VWCE: variants seen among roughly 807,000 people sequenced by gnomAD.
VWCE encodes the protein von Willebrand factor C and EGF domains.
A neutral mutation model predicts 102.9 loss-of-function variants in VWCE; 68 were observed. The observed-to-expected ratio is 0.66, with a 90% CI of 0.54 to 0.81. The LOEUF (loss-of-function observed/expected upper bound fraction) is 0.81, where lower values mean the gene tolerates loss of function less well. VWCE is among the 30% of genes least tolerant of loss of function. The pLI, the probability that VWCE is intolerant of heterozygous loss-of-function variation, is 0.00. For synonymous variants in VWCE, 497 were observed against 515.4 expected (o/e 0.96, Z 0.48); for missense variants, 1,137 against 1,263.6 (o/e 0.90, Z 1.52).
chr11:61,273,865 T>G (rs1854819377), intron 12 of VWCE: 1 of 155,256 alleles, frequency 6.4e-6, no homozygotes, highest in South Asian at 2.0e-4. Flanking sequence ...CACGGTCCAC[T>G]GCCCAGAGCT....
At position 61,280,901 on chromosome 11, in the gene VWCE, A is replaced by G; in HGVS notation, c.1122T>C (p.Pro374=). ...GCCCTGCTGCCAGTCGGGGGGACTCAGGGCCCCTGGGTGAGGAAGGGGTCC... is the reference window on the plus strand; with the variant it reads ...GCCCTGCTGCCAGTCGGGGGGACTCGGGGCCCCTGGGTGAGGAAGGGGTCC... ...VMGTPSSPRG[P]ESPRLAAGPS... Residue 374 remains proline, a synonymous_variant, in exon 8 of 20, where the codon CCT becomes CCC. Coordinates refer to ENST00000335613, the MANE Select transcript of VWCE (RefSeq NM_152718.2). The G allele has an allele frequency of 6.5e-7, 1 of 1,530,128 alleles. No homozygotes were observed. 94.8% of individuals were successfully genotyped at this position (1,530,128 alleles called of 1,614,324 possible). A position where few individuals can be genotyped will look rare whatever the true frequency, so the allele number is the denominator to read the frequency against.
chr11:61,279,260 T>C (rs1356199411), intron 9 of VWCE, among the ~76,000 whole-genome samples: 1 of 151,982 alleles, frequency 6.6e-6, no homozygotes, highest in East Asian at 1.9e-4. Context: ...TGCGGGGACA[T>C]AGCCCACAAC....
rs1336975943 is a variant in VWCE, at chr11:61,271,760, C to A, written c.1700G>T (p.Gly567Val). ...FTCQEPTPST[G>V]CSLDDNGVEF... ...AACCCCGTTGTCGTCAAGAGAGCAG[C>A]CTGGATGAGGACAATGGCAGAGAAA... The change falls in exon 14 of 20, where the codon GGC becomes GTC. Residue 567 changes from glycine (G) to valine (V), a missense_variant and splice_region_variant. Gly to Val is a moderately radical substitution (Grantham distance 109). Around this residue, in one of 5 missense-constraint regions of VWCE, gnomAD observed 212 missense variants for 235.1 expected, o/e 0.90. Coordinates refer to ENST00000335613, the MANE Select transcript of VWCE (RefSeq NM_152718.2). The A allele has an allele frequency of 1.3e-5, 21 of 1,612,884 alleles. No individual in the cohort carries two copies. The highest frequency in any genetic ancestry group is 1.8e-5 in the Non-Finnish European group (21 of 1,179,510).
intron 13 of VWCE, 90 bp from the exon 14 acceptor site, chr11:61,271,850 CAG>C (rs1717225611): frequency 8.9e-7 from 1 of 1,121,550 alleles, no homozygotes. Context: ...CAAACACACA[CAG>C]ACACCGATAT....
chr11:61,262,570 G>T (rs917116819), intron 19 of VWCE, among the ~76,000 whole-genome samples: 1 of 152,164 alleles, frequency 6.6e-6, no homozygotes, highest in Non-Finnish European at 1.5e-5. Context: ...ATGCAGAGAG[G>T]TTTGTGGTGG....
At chr11:61,289,826 A>C (rs557764872) in intron 4 of VWCE, among the ~76,000 whole-genome samples, 2 of 152,310 alleles carry the variant, frequency 1.3e-5, no homozygotes, top group African/African-American at 4.8e-5. Flanking sequence ...CTTACTTTCC[A>C]AATGTTCTAC....
chr11:61,283,425 T>G (rs542794512), intron 5 of VWCE, among the ~76,000 whole-genome samples: 13 of 152,320 alleles, frequency 8.5e-5, no homozygotes, highest in South Asian at 6.2e-4. Flanking sequence ...TGTTGTTGTT[T>G]TTTGAGACAG....
At chr11:61,284,494 G>A (rs1855249105) in intron 5 of VWCE, among the ~76,000 whole-genome samples, 1 of 152,182 alleles carries the variant, frequency 6.6e-6, no homozygotes, top group Non-Finnish European at 1.5e-5. Flanking sequence ...TGAGTGCTAT[G>A]GACTAAACTC....
intron 11 of VWCE, 97 bp from the exon 12 acceptor site, chr11:61,274,681 C>T: frequency 1.0e-6 from 1 of 988,390 alleles, no homozygotes; most frequent in East Asian, 2.6e-5. Flanking sequence ...GGGCACTTAA[C>T]ACACACCCAC....
intron 5 of VWCE, among the ~76,000 whole-genome samples, chr11:61,284,134 G>A (rs185999712): frequency 1.3e-5 from 2 of 152,108 alleles, no homozygotes; most frequent in Non-Finnish European, 2.9e-5. Flanking sequence ...GGGCCAAAGC[G>A]GGAAGGATAG....
intron 4 of VWCE, among the ~76,000 whole-genome samples, chr11:61,290,385 G>A (rs890634474): frequency 7.9e-5 from 12 of 152,078 alleles, no homozygotes; most frequent in African/African-American, 2.2e-4. Context: ...GGTGGCACCC[G>A]CCTGTAATCC....
intron 14 of VWCE, among the ~76,000 whole-genome samples, chr11:61,270,958 C>CT (rs1854675542): frequency 6.6e-6 from 1 of 152,014 alleles, no homozygotes; most frequent in African/African-American, 2.4e-5. Flanking sequence ...ATCCTCCCAC[C>CT]TTAGCCTCCC....
In VWCE at chr11:61,281,064, G is replaced by A. The variant is rs1345550356; in HGVS notation, c.959C>T (p.Ser320Phe). ...PAGVRTTRLP[S>F]PTPRLPTSSP... ...GGATGTGGGTAGTCGTGGGGTGGGA[G>A]ATGGCAGGCGGGTGGTCCTGACTCC... Residue 320 changes from serine (S) to phenylalanine (F), a missense_variant, in exon 8 of 20, where the codon TCT (serine) becomes TTT (phenylalanine). Physicochemically the swap from Ser to Phe is radical, Grantham distance 155. This residue lies in a region of VWCE where 575 missense variants were observed against 625.9 expected (regional missense o/e 0.92). Transcript: ENST00000335613. 1.2e-6 allele frequency: 2 copies of A among 1,601,620 alleles called. No homozygotes were observed. The highest frequency in any genetic ancestry group is 2.2e-5 in the East Asian group (1 of 44,762).
intron 19 of VWCE, among the ~76,000 whole-genome samples, chr11:61,263,563 G>A (rs1372845309): frequency 6.6e-6 from 1 of 152,180 alleles, no homozygotes; most frequent in East Asian, 1.9e-4. Context: ...GTGTTGTGTT[G>A]TGTTTTGTGT....
At chr11:61,279,245 C>T (rs768200884) in intron 9 of VWCE, among the ~76,000 whole-genome samples, 4 of 152,144 alleles carry the variant, frequency 2.6e-5, no homozygotes, top group East Asian at 1.9e-4. Context: ...CAAGACTCAG[C>T]GTGTTGCGGG....
intron 11 of VWCE, 38 bp downstream of exon 11, chr11:61,276,555 A>AG: frequency 6.9e-7 from 1 of 1,457,336 alleles, no homozygotes; most frequent in East Asian, 2.5e-5. Context: ...AATCTAAAAA[A>AG]AAAAAAAAAA....
intron 12 of VWCE, 119 bp from the exon 13 acceptor site, chr11:61,273,435 C>A: frequency 1.1e-6 from 1 of 912,254 alleles, no homozygotes; most frequent in Non-Finnish European, 1.6e-6. Context: ...GTGAAACTGA[C>A]AAAGAAATCT....
At chr11:61,281,474 G>A (rs1476946248) in intron 7 of VWCE, among the ~76,000 whole-genome samples, 2 of 152,084 alleles carry the variant, frequency 1.3e-5, no homozygotes, top group Non-Finnish European at 2.9e-5. Context: ...TATCATTTGG[G>A]AAAAAAACAG....
Position 61,291,583 on chromosome 11 carries a change from G to T in VWCE, c.111-7C>A. ...GTGGGGGCCCAGTCGGCGTCTGCAA[G>T]AGAAGAGAGAGCACTTTCCTCATTC... is the stretch of plus-strand genomic sequence containing the variant. On this transcript the variant is annotated splice_region_variant and splice_polypyrimidine_tract_variant and intron_variant, in intron 1 of 19. Coordinates refer to ENST00000335613, the MANE Select transcript of VWCE (RefSeq NM_152718.2). 1 of 1,432,636 alleles carries T rather than the reference G, an allele frequency of 7.0e-7. No homozygotes were observed. Among genetic ancestry groups the T allele is most frequent in the South Asian group, 1.5e-5 (1 of 64,742 alleles). The allele number at this position is 1,432,636 out of a possible 1,614,324, so 88.7% of individuals were successfully genotyped here. A position where few individuals can be genotyped will look rare whatever the true frequency, so the allele number is the denominator to read the frequency against.
Sources: gnomAD v4.1 joint callset for allele counts (sites outside exome capture counted in the v4.1 genomes callset) on GRCh38, gnomAD v4.1.1 for gene constraint, gnomAD v4.1.1 regional missense constraint, MANE v1.5 for transcripts, NCBI Gene and HGNC (gene_info 2026-07-23, HGNC 2026-07-21) for gene names.